TXLNB: variants seen among roughly 807,000 people sequenced by gnomAD.
The protein encoded by TXLNB is taxilin beta.
TXLNB carries 37 observed loss-of-function variants against 57.4 expected under a neutral mutation model. The observed-to-expected ratio is 0.64, with a 90% CI of 0.50 to 0.85. The LOEUF is 0.85. Among genes scored for constraint, TXLNB ranks in the 40% least tolerant of loss-of-function variants. The pLI, the probability that TXLNB is intolerant of heterozygous loss-of-function variation, is 0.00. For missense variants in TXLNB, 848 were observed against 825.6 expected (o/e 1.03, Z -0.33); for synonymous variants, 302 against 309.6 (o/e 0.98, Z 0.26).
the TXLNB span, among the ~76,000 whole-genome samples, chr6:139,196,973 T>C: frequency 1.1e-4 from 17 of 152,352 alleles, no homozygotes; most frequent in Non-Finnish European, 2.4e-4. Context: ...ATCTTGATTC[T>C]GTCTGCAATT....
the TXLNB span, among the ~76,000 whole-genome samples, chr6:139,309,322 C>A: frequency 2.0e-5 from 3 of 152,198 alleles, no homozygotes; most frequent in African/African-American, 7.2e-5. Context: ...GCTATGAATT[C>A]TCTTTCTGTT....
At chr6:139,316,010 T>C in the TXLNB span, among the ~76,000 whole-genome samples, 1 of 152,136 alleles carries the variant, frequency 6.6e-6, no homozygotes, top group Non-Finnish European at 1.5e-5. Flanking sequence ...ATAGTAATAA[T>C]AGTAAAACTT....
At chr6:139,179,703 T>G in the TXLNB span, 1 of 152,220 alleles carries the variant, frequency 6.6e-6, no homozygotes, top group South Asian at 2.1e-4. Context: ...GGAAATCTAC[T>G]GACCTTAATA....
At chr6:139,220,813 G>C in the TXLNB span, among the ~76,000 whole-genome samples, 3 of 152,164 alleles carry the variant, frequency 2.0e-5, no homozygotes, top group Admixed American at 1.3e-4. Context: ...GTCCTCCATA[G>C]CTGGCTCTTA....
At chr6:139,168,425 GTTT>G in the TXLNB span, among the ~76,000 whole-genome samples, 7 of 138,182 alleles carry the variant, frequency 5.1e-5, no homozygotes, top group Non-Finnish European at 6.3e-5. Flanking sequence ...GATTTGCATA[GTTT>G]TTTTTTTTTT....
chr6:139,194,982 A>C, the TXLNB span, among the ~76,000 whole-genome samples: 1 of 152,236 alleles, frequency 6.6e-6, no homozygotes, highest in East Asian at 1.9e-4. Context: ...ACACAAATTT[A>C]TTATCTTACA....
chr6:139,292,320 G>C (rs1272165494), upstream of TXLNB, among the ~76,000 whole-genome samples: 1 of 152,146 alleles, frequency 6.6e-6, no homozygotes, highest in African/African-American at 2.4e-5. The surrounding 1 kb of genome is among the most constrained non-coding windows in gnomAD (Gnocchi z 4.0). Flanking sequence ...TATTACCCCC[G>C]TTGCAAATGC....
chr6:139,289,025 T>C, intron 1 of TXLNB, 112 bp from the exon 2 acceptor site: 1 of 763,222 alleles, frequency 1.3e-6, no homozygotes, highest in Non-Finnish European at 2.0e-6. Context: ...TTATAGTCTC[T>C]AACGTAGAGA....
the TXLNB span, among the ~76,000 whole-genome samples, chr6:139,196,190 T>C: frequency 6.6e-6 from 1 of 152,034 alleles, no homozygotes; most frequent in Non-Finnish European, 1.5e-5. Flanking sequence ...TAATAAATCT[T>C]CCATGGATAC....
At chr6:139,255,241 G>A (rs1158442474) in intron 7 of TXLNB, 3 of 366,920 alleles carry the variant, frequency 8.2e-6, no homozygotes, top group Admixed American at 7.9e-5. Context: ...CAATGAGAGG[G>A]GAAGTACGGT....
In TXLNB at chr6:139,243,235, T is replaced by A. The variant is rs1196587503; in HGVS notation, c.1346A>T (p.Glu449Val). The A allele has an allele frequency of 1.9e-6, 3 of 1,614,116 alleles. No homozygotes were observed. In the South Asian group the frequency reaches 3.3e-5, roughly 18 times the overall value. Residue 449 changes from glutamate (E) to valine (V), a missense_variant, in exon 10 of 10, where the codon GAA becomes GTA. By Grantham distance (121) the Glu-to-Val change is moderately radical. Coordinates refer to ENST00000358430, the MANE Select transcript of TXLNB (RefSeq NM_153235.4). Reference protein sequence around the residue: ...RLENLCRALQEERNELHKKIR... With the variant: ...RLENLCRALQVERNELHKKIR... ...TTTTTTGTGGAGTTCGTTTCTCTCTTCTTGTAAAGCACGGCAGAGGTTCTC... is the reference window on the plus strand; with the variant it reads ...TTTTTTGTGGAGTTCGTTTCTCTCTACTTGTAAAGCACGGCAGAGGTTCTC...
intron 7 of TXLNB, 46 bp downstream of exon 7, chr6:139,255,518 G>A (rs1259353285): frequency 6.4e-7 from 1 of 1,554,038 alleles, no homozygotes. Context: ...TTTTTATCTG[G>A]GGACAGTGAG....
rs1775903046 is a variant in TXLNB at position 139,240,310 on chromosome 6, T to C, written c.*2216A>G. The C allele has an allele frequency of 6.6e-6, 1 of 152,648 alleles. No individual in the cohort carries two copies. The allele number at this position is 152,648 out of a possible 1,614,324, so 9.5% of individuals were successfully genotyped here. On this transcript the variant is annotated 3_prime_UTR_variant, in exon 10 of 10. Coordinates refer to ENST00000358430, the MANE Select transcript of TXLNB (RefSeq NM_153235.4). ...ATATTAAAATAATTCCCCCAAAACC[T>C]ATATTAAGCTTTACAAATTTCAGAC...
chr6:139,258,287 A>G (rs1776394812), intron 6 of TXLNB, among the ~76,000 whole-genome samples: 1 of 152,042 alleles, frequency 6.6e-6, no homozygotes, highest in African/African-American at 2.4e-5. Flanking sequence ...CTGCTCTCCA[A>G]TGTCTCTCAT....
At chr6:139,239,991 G>A (rs914643365), downstream of TXLNB, 3 of 151,484 alleles carry the variant, frequency 2.0e-5, no homozygotes, top group Admixed American at 6.6e-5. The surrounding 1 kb of genome is among the most constrained non-coding windows in gnomAD (Gnocchi z 4.7). Context: ...AGGTATTGTC[G>A]AAACATAGAA....
the TXLNB span, among the ~76,000 whole-genome samples, chr6:139,197,367 T>TTTG: frequency 6.6e-4 from 10 of 15,122 alleles, no homozygotes; most frequent in African/African-American, 0.012. Context: ...AGACAGTGAT[T>TTTG]TTATTTGTTC....
the TXLNB span, among the ~76,000 whole-genome samples, chr6:139,185,987 GAAGT>G: frequency 1.3e-5 from 2 of 152,140 alleles, no homozygotes; most frequent in Non-Finnish European, 2.9e-5. Flanking sequence ...AATCAAAAAA[GAAGT>G]TAGTTGAGAA....
the TXLNB span, chr6:139,177,029 A>G: frequency 2.3e-6 from 2 of 872,678 alleles, no homozygotes; most frequent in African/African-American, 1.6e-5. The surrounding 1 kb of genome is among the most constrained non-coding windows in gnomAD (Gnocchi z 4.9). Context: ...AACGTCCAGC[A>G]GTGTCCACAC....
chr6:139,172,926 C>T, the TXLNB span, among the ~76,000 whole-genome samples: 1 of 152,206 alleles, frequency 6.6e-6, no homozygotes, highest in Non-Finnish European at 1.5e-5. Flanking sequence ...GTAAAAGTTA[C>T]TCTGTCTTCA....
Sources: gnomAD v4.1 joint callset for allele counts (sites outside exome capture counted in the v4.1 genomes callset) on GRCh38, gnomAD v4.1.1 for gene constraint, Gnocchi (gnomAD v3.1) non-coding constraint, MANE v1.5 for transcripts, NCBI Gene and HGNC (gene_info 2026-07-23, HGNC 2026-07-21) for gene names.